The following GDAP1 variants were observed in gnomAD, a reference collection of about 807,000 sequenced individuals.
The protein encoded by GDAP1 is ganglioside induced differentiation associated protein 1, also known as ganglioside-induced differentiation-associated protein 1.
Under a neutral mutation model 40.1 loss-of-function variants are expected in GDAP1, and 34 were observed. The observed-to-expected ratio is 0.85, with a 90% CI of 0.64 to 1.13. GDAP1 has a LOEUF of 1.13. Among genes scored for constraint, GDAP1 ranks in the 50% most tolerant of loss-of-function variants. The pLI is 0.00. For synonymous variants in GDAP1, 170 were observed against 157.4 expected (o/e 1.08, Z -0.60); for missense variants, 374 against 433.7 (o/e 0.86, Z 1.22).
intron 2 of GDAP1, among the ~76,000 whole-genome samples, chr8:74,390,127 T>A (rs764530435): frequency 3.3e-5 from 5 of 152,190 alleles, no homozygotes; most frequent in Non-Finnish European, 5.9e-5. Context: ...GGTTAGAACA[T>A]GCTCCTTTAG....
chr8:74,359,253 A>C (rs1385181918), intron 2 of GDAP1, among the ~76,000 whole-genome samples: 2 of 152,204 alleles, frequency 1.3e-5, no homozygotes, highest in Admixed American at 6.5e-5. Flanking sequence ...TAACTCCTGC[A>C]GCACTTCTCC....
At chr8:74,473,934 A>T (rs1172674082) in intron 2 of GDAP1, among the ~76,000 whole-genome samples, 1 of 152,242 alleles carries the variant, frequency 6.6e-6, no homozygotes, top group Non-Finnish European at 1.5e-5. Context: ...GTTCCTATCC[A>T]TGCACATGGA....
chr8:74,409,755 C>A lies in GDAP1; in HGVS notation c.165+58434C>A, dbSNP rs116684502. ...ATCTGGACAATGAGATGCCAGATCC[C>A]CACCTATCATGATTGCCTAAGCAAC... On this transcript the variant is annotated intron_variant, in intron 2 of 2. Coordinates refer to the GDAP1 transcript ENST00000523640. 6.1e-3 allele frequency among the ~76,000 whole-genome samples: 913 copies of A among 150,036 alleles called. 96 individuals are homozygous for A. Among genetic ancestry groups the A allele is most frequent in the African/African-American group, 0.022 (851 of 39,392 alleles).
At chr8:74,390,315 G>A (rs1263616560) in intron 2 of GDAP1, among the ~76,000 whole-genome samples, 1 of 152,108 alleles carries the variant, frequency 6.6e-6, no homozygotes, top group Non-Finnish European at 1.5e-5. Context: ...TCATCTTCAT[G>A]GATTTATTTA....
At chr8:74,384,093 A>C (rs1417561310) in intron 2 of GDAP1, among the ~76,000 whole-genome samples, 3 of 152,204 alleles carry the variant, frequency 2.0e-5, no homozygotes, top group Non-Finnish European at 2.9e-5. Context: ...CAGACAATGC[A>C]CTGATAACTG....
At chr8:74,416,369 G>T (rs1805778990) in intron 2 of GDAP1, among the ~76,000 whole-genome samples, 1 of 150,028 alleles carries the variant, frequency 6.7e-6, no homozygotes, top group Non-Finnish European at 1.5e-5. Flanking sequence ...GCCACCTCTT[G>T]GCTGGAGGCC....
At chr8:74,469,793 T>C (rs1345134097) in intron 2 of GDAP1, among the ~76,000 whole-genome samples, 1 of 151,390 alleles carries the variant, frequency 6.6e-6, no homozygotes, top group Non-Finnish European at 1.5e-5. Context: ...CTGACCAACA[T>C]GGAGAAACCC....
At chr8:74,398,376 G>A (rs954265512) in intron 2 of GDAP1, among the ~76,000 whole-genome samples, 3 of 152,046 alleles carry the variant, frequency 2.0e-5, no homozygotes, top group African/African-American at 7.2e-5. Flanking sequence ...TGTGAGATGG[G>A]TTTCCTGAAT....
intron 2 of GDAP1, among the ~76,000 whole-genome samples, chr8:74,487,254 C>A (rs1479576531): frequency 1.3e-5 from 2 of 152,100 alleles, no homozygotes; most frequent in South Asian, 4.1e-4. Flanking sequence ...TGAAGGAAAC[C>A]ATTTCAACAA....
chr8:74,371,187 A>G (rs904755605), downstream of GDAP1, among the ~76,000 whole-genome samples: 9 of 152,242 alleles, frequency 5.9e-5, no homozygotes, highest in Non-Finnish European at 1.0e-4. Context: ...AAGTAGACAT[A>G]TTCTAGGCCA....
At chr8:74,380,358 C>T (rs1809927811) in intron 2 of GDAP1, among the ~76,000 whole-genome samples, 1 of 152,014 alleles carries the variant, frequency 6.6e-6, no homozygotes, top group Non-Finnish European at 1.5e-5. Context: ...GTAACTTGTC[C>T]CCAAACCGGC....
At chr8:74,362,784 C>CTCTTTTTTTT (rs1300148699) in intron 4 of GDAP1, among the ~76,000 whole-genome samples, 155 bp from the exon 5 acceptor site, 5 of 60,448 alleles carry the variant, frequency 8.3e-5, no homozygotes, top group African/African-American at 1.9e-4. Flanking sequence ...CTCTCTCTCT[C>CTCTTTTTTTT]TTTTTTTTTT....
chr8:74,356,364 A>G (rs900453773), intron 2 of GDAP1, among the ~76,000 whole-genome samples: 1 of 152,210 alleles, frequency 6.6e-6, no homozygotes, highest in South Asian at 2.1e-4. Flanking sequence ...TTTTGCTTCC[A>G]TCATTAAAAA....
intron 2 of GDAP1, among the ~76,000 whole-genome samples, chr8:74,451,422 C>A (rs1806295460): frequency 1.5e-5 from 1 of 68,800 alleles, no homozygotes; most frequent in South Asian, 7.7e-4. Context: ...TGCACTCTAG[C>A]CTAGGCGACA....
At chr8:74,484,634 G>A (rs1806752991) in intron 2 of GDAP1, among the ~76,000 whole-genome samples, 1 of 152,090 alleles carries the variant, frequency 6.6e-6, no homozygotes. Flanking sequence ...AGTGTTATGA[G>A]ATACCTGATC....
intron 2 of GDAP1, among the ~76,000 whole-genome samples, chr8:74,460,546 C>T (rs768593852): frequency 3.9e-5 from 6 of 152,122 alleles, no homozygotes; most frequent in Non-Finnish European, 8.8e-5. Flanking sequence ...ATGGGAGGGC[C>T]CCTGAAGCTT....
At chr8:74,461,398 TAA>T (rs935603910) in intron 2 of GDAP1, among the ~76,000 whole-genome samples, 2 of 152,246 alleles carry the variant, frequency 1.3e-5, no homozygotes, top group Non-Finnish European at 2.9e-5. Flanking sequence ...TTATCAAAAT[TAA>T]TCATGAAAGA....
intron 2 of GDAP1, among the ~76,000 whole-genome samples, chr8:74,401,405 A>G (rs1280966637): frequency 2.0e-5 from 3 of 149,748 alleles, no homozygotes; most frequent in Non-Finnish European, 4.4e-5. Flanking sequence ...CAGCTCCGTC[A>G]GCTCCTTTAA....
At chr8:74,353,758 C>T (rs538157540) in intron 2 of GDAP1, among the ~76,000 whole-genome samples, 8 of 152,184 alleles carry the variant, frequency 5.3e-5, no homozygotes, top group East Asian at 3.9e-4. Flanking sequence ...CCATGTGATT[C>T]GTATGTACAT....
Sources: gnomAD v4.1 joint callset for allele counts (sites outside exome capture counted in the v4.1 genomes callset) on GRCh38, gnomAD v4.1.1 for gene constraint, MANE v1.5 for transcripts, NCBI Gene and HGNC (gene_info 2026-07-23, HGNC 2026-07-21) for gene names.